Variants in NLRC3 observed in about 807,000 individuals in gnomAD.
The protein encoded by NLRC3 is NLR family CARD domain-containing protein 3.
A neutral mutation model predicts 91.6 loss-of-function variants in NLRC3; 87 were observed. The observed-to-expected ratio is 0.95, with a 90% CI of 0.80 to 1.14. NLRC3 has a LOEUF of 1.14. Among genes scored for constraint, NLRC3 ranks in the 50% most tolerant of loss-of-function variants. NLRC3 has a pLI of 0.00. For missense variants in NLRC3, 1,577 were observed against 1,418.6 expected, an observed-to-expected ratio of 1.11 and a Z score of -1.79; for synonymous variants, 694 against 625.3, an observed-to-expected ratio of 1.11 and a Z score of -1.64.
intron 1 of NLRC3, among the ~76,000 whole-genome samples, chr16:3,573,446 AG>A: frequency 6.6e-6 from 1 of 152,298 alleles, no homozygotes; most frequent in South Asian, 2.1e-4. Flanking sequence ...CACAAAAGCT[AG>A]CAATTATCTA....
rs762873979 is a variant in NLRC3 at position 3,564,983 on chromosome 16, C to T, written c.54G>A (p.Thr18=). 26 of 1,610,456 alleles carry T rather than the reference C, an allele frequency of 1.6e-5. No individual in the cohort carries two copies. In the East Asian group the frequency reaches 4.0e-4, roughly 25 times the overall value. The stretch of plus-strand genomic sequence containing the variant: ...CTTTCACCTGCTCGGCTGGGGAGCC[C>T]GTACCGTGGCCCTGGCCGGCCTCCC... The part of the protein sequence containing the change: ...TGREAGQGHG[T]GSPAEQVKAL... Residue 18 remains threonine, a synonymous_variant, in exon 4 of 20, where the codon ACG becomes ACA. Coordinates refer to ENST00000359128, the MANE Select transcript of NLRC3 (RefSeq NM_178844.4). This position sits in a 1 kb window ranked among gnomAD's most constrained non-coding sequence, Gnocchi z 5.9.
rs78634903 is a variant in NLRC3, at chr16:3,574,185, T to A, written c.-169+2964A>T. On this transcript the variant is annotated intron_variant, in intron 1 of 19. Coordinates refer to ENST00000359128, the MANE Select transcript of NLRC3 (RefSeq NM_178844.4). ...TTATAGGCACCCACCATCAATACCA[T>A]TTGTATTTTTGTAGAGACAGGGTTT... 1.8e-3 allele frequency among the ~76,000 whole-genome samples: 278 copies of A among 151,614 alleles called. 2 individuals carry two copies. The highest frequency in any genetic ancestry group is 5.7e-3 in the African/African-American group (236 of 41,350).
At chr16:3,574,855 T>C (rs1254668854) in intron 1 of NLRC3, among the ~76,000 whole-genome samples, 1 of 151,932 alleles carries the variant, frequency 6.6e-6, no homozygotes, top group Non-Finnish European at 1.5e-5. Flanking sequence ...CCAGCTACTC[T>C]GGAGGCTGAG....
chr16:3,567,912 C>T (rs548046709), intron 1 of NLRC3, among the ~76,000 whole-genome samples: 1 of 150,646 alleles, frequency 6.6e-6, no homozygotes, highest in South Asian at 2.1e-4. Context: ...GTTGCCCAGG[C>T]TGGAGTGCAA....
intron 8 of NLRC3, among the ~76,000 whole-genome samples, chr16:3,556,464 C>CA (rs1439324554): frequency 1.3e-5 from 2 of 151,888 alleles, no homozygotes; most frequent in East Asian, 3.9e-4. Flanking sequence ...ATAAGATCCC[C>CA]AGTACCCAAT....
Position 3,543,523 on chromosome 16 carries a change from G to A in NLRC3, c.2856-15C>T, listed in dbSNP as rs1470756038. On this transcript the variant is annotated splice_polypyrimidine_tract_variant and intron_variant, in intron 16 of 19. Transcript: ENST00000359128. Reference sequence around the variant, plus strand: ...CCACCTGGAGACTGGGGCGGAGAGGGTGCCGTCAGTGTGAGCCGGCTGGGC... The same window carrying A: ...CCACCTGGAGACTGGGGCGGAGAGGATGCCGTCAGTGTGAGCCGGCTGGGC... 7.5e-6 allele frequency: 12 copies of A among 1,602,572 alleles called. No individual in the cohort carries two copies. The highest frequency in any genetic ancestry group is 9.4e-6 in the Non-Finnish European group (11 of 1,172,614).
At chr16:3,546,069 A>T (rs796299067) in intron 15 of NLRC3, among the ~76,000 whole-genome samples, 59 of 152,206 alleles carry the variant, frequency 3.9e-4, no homozygotes, top group African/African-American at 1.4e-3. Context: ...AGGGACACAG[A>T]GGGGACCGAC....
intron 1 of NLRC3, among the ~76,000 whole-genome samples, chr16:3,570,443 C>G (rs978983394): frequency 2.0e-5 from 3 of 152,128 alleles, no homozygotes; most frequent in African/African-American, 7.2e-5. Context: ...TAGATCAAGT[C>G]CTTGACCTGC....
intron 1 of NLRC3, among the ~76,000 whole-genome samples, chr16:3,574,655 T>C (rs1300039941): frequency 6.6e-6 from 1 of 152,118 alleles, no homozygotes; most frequent in Admixed American, 6.6e-5. Flanking sequence ...GTTGCCAGAT[T>C]CAGCAAATTA....
chr16:3,549,548 C>T (rs752341738), intron 12 of NLRC3, 149 bp downstream of exon 12: 33 of 676,872 alleles, frequency 4.9e-5, no homozygotes, highest in Non-Finnish European at 7.4e-5. Flanking sequence ...CTATCCCCTG[C>T]ACCCCAAGAG....
At chr16:3,554,467 G>T in intron 8 of NLRC3, 142 bp from the exon 9 acceptor site, 1 of 617,790 alleles carries the variant, frequency 1.6e-6, no homozygotes, top group Non-Finnish European at 2.9e-6. Context: ...TGCAGGGAGA[G>T]CAGTGGACCC....
In NLRC3 at chr16:3,550,483, C is replaced by G. The variant is rs1335822325; in HGVS notation, c.2366G>C (p.Ser789Thr). Reference sequence around the variant, plus strand: ...GGCCTTGGCACCTCCATCACCAATACTATTACTGGAGAACCTGCAAGAGAA... The same window carrying G: ...GGCCTTGGCACCTCCATCACCAATAGTATTACTGGAGAACCTGCAAGAGAA... ...SLKELMFSSNSIGDGGAKALA... is the reference protein window; with the variant it reads ...SLKELMFSSNTIGDGGAKALA... The change falls in exon 11 of 20, where the codon AGT becomes ACT. Residue 789 changes from serine to threonine, a missense_variant. Ser to Thr is a moderately conservative substitution (Grantham distance 58, BLOSUM62 1). Transcript: ENST00000359128. 2 of 1,612,712 alleles carry G rather than the reference C, an allele frequency of 1.2e-6. No homozygotes were observed. Among genetic ancestry groups the G allele is most frequent in the East Asian group, 2.2e-5 (1 of 44,866 alleles).
At chr16:3,549,365 G>A in intron 12 of NLRC3, 140 bp from the exon 13 acceptor site, 2 of 699,796 alleles carry the variant, frequency 2.9e-6, no homozygotes, top group Non-Finnish European at 4.9e-6. Context: ...GGGCTGAGGT[G>A]TGAAGGAGCC....
At chr16:3,555,608 C>T (rs1268724424) in intron 8 of NLRC3, among the ~76,000 whole-genome samples, 1 of 152,076 alleles carries the variant, frequency 6.6e-6, no homozygotes, top group African/African-American at 2.4e-5. Context: ...CTCGCTCTGT[C>T]GCCCAGGCTG....
chr16:3,544,337 C>CA lies in NLRC3; in HGVS notation c.2772-9dup, dbSNP rs2038573109. On this transcript the variant is annotated splice_polypyrimidine_tract_variant and intron_variant, in intron 15 of 19. Transcript: ENST00000359128. Reference sequence around the variant, plus strand: ...ATGGCGTTCTCCTGTAAACTAGACACAGAGTATGACCCCTTTGGGTGCACG... The same window carrying CA: ...ATGGCGTTCTCCTGTAAACTAGACACAAGAGTATGACCCCTTTGGGTGCACG... 3 of 1,604,770 alleles carry CA rather than the reference C, an allele frequency of 1.9e-6. No homozygotes were observed. Among genetic ancestry groups the CA allele is most frequent in the Non-Finnish European group, 2.6e-6 (3 of 1,171,976 alleles).
At chr16:3,568,379 A>G (rs1288776048) in intron 1 of NLRC3, among the ~76,000 whole-genome samples, 3 of 152,182 alleles carry the variant, frequency 2.0e-5, no homozygotes, top group Admixed American at 1.3e-4. Context: ...ATGCTGCCCC[A>G]AAGCCTGTTC....
Position 3,550,432 on chromosome 16 carries a change from T to C in NLRC3, c.2417A>G (p.Gln806Arg), listed in dbSNP as rs765951351. ...GACTCACTCCAGGCTCTCCAGGCCC[T>C]GGTTCACCTTCAGGGCCTCAGCCAG... ...KALAEALKVN[Q>R]GLESLDLQSN... The change falls in exon 11 of 20, where the codon CAG becomes CGG. Residue 806 changes from glutamine (Q) to arginine (R), a missense_variant. Physicochemically the swap from Gln to Arg is conservative, Grantham distance 43. Coordinates refer to ENST00000359128, the MANE Select transcript of NLRC3 (RefSeq NM_178844.4). 1 of 1,612,506 alleles carries C rather than the reference T, an allele frequency of 6.2e-7. No individual in the cohort carries two copies. The highest frequency in any genetic ancestry group is 1.1e-5 in the South Asian group (1 of 91,072).
intron 1 of NLRC3, among the ~76,000 whole-genome samples, chr16:3,575,566 C>T (rs9926974): frequency 0.082 from 12,483 of 152,236 alleles, 885 homozygotes; most frequent in African/African-American, 0.19. Context: ...TCCCCGGGAG[C>T]CTCCCAGGTA....
Position 3,544,229 on chromosome 16 carries a change from G to T in NLRC3, c.2855+17C>A. 4 of 1,489,888 alleles carry T rather than the reference G, an allele frequency of 2.7e-6. No homozygotes were observed. The highest frequency in any genetic ancestry group is 1.4e-5 in the African/African-American group (1 of 72,408). The allele number at this position is 1,489,888 out of a possible 1,614,324, so 92.3% of individuals were successfully genotyped here. On this transcript the variant is annotated intron_variant, in intron 16 of 19. Transcript: ENST00000359128. The stretch of plus-strand genomic sequence containing the variant: ...AAGGGACCGGTTTCCTGACTGCTGC[G>T]CACATCTAGGACTTACTAGAGAGCA...
Sources: gnomAD v4.1 joint callset for allele counts (sites outside exome capture counted in the v4.1 genomes callset) on GRCh38, gnomAD v4.1.1 for gene constraint, Gnocchi (gnomAD v3.1) non-coding constraint, MANE v1.5 for transcripts, NCBI Gene and HGNC (gene_info 2026-07-23, HGNC 2026-07-21) for gene names.